NAP1L1: variants seen among roughly 807,000 people sequenced by gnomAD.
NAP1L1 encodes nucleosome assembly protein 1 like 1.
Under a neutral mutation model 58.9 loss-of-function variants are expected in NAP1L1, and 9 were observed. The observed-to-expected ratio is 0.15, with a 90% CI of 0.09 to 0.27. The LOEUF (loss-of-function observed/expected upper bound fraction) is 0.27, where lower values mean the gene tolerates loss of function less well. NAP1L1 is among the 10% of genes least tolerant of loss of function. The pLI, the probability that NAP1L1 is intolerant of heterozygous loss-of-function variation, is 1.00. For synonymous variants in NAP1L1, 130 were observed against 138.3 expected (o/e 0.94, Z 0.42); for missense variants, 302 against 458.8 (o/e 0.66, Z 3.12).
intron 6 of NAP1L1, chr12:76,057,811 G>A: frequency 6.5e-7 from 1 of 1,550,042 alleles, no homozygotes; most frequent in Non-Finnish European, 8.7e-7. Flanking sequence ...GGAAGAAGAG[G>A]AGAAGAAAAA....
rs1267664379 is a variant in NAP1L1, at chr12:76,037,916, T to G, written c.*10513A>C. On this transcript the variant is annotated 3_prime_UTR_variant, in exon 15 of 15. Transcript: ENST00000618691. The stretch of plus-strand genomic sequence containing the variant: ...AAACTGAGGGGAAATGACTAATGTT[T>G]TGTCTGGAAATGTATTGATATTATT... 1 of 152,166 alleles carries G rather than the reference T, an allele frequency of 6.6e-6. No homozygotes were observed. Among genetic ancestry groups the G allele is most frequent in the Non-Finnish European group, 1.5e-5 (1 of 68,036 alleles). The allele number at this position is 152,166 out of a possible 1,614,324, so 9.4% of individuals were successfully genotyped here.
At chr12:76,078,589 C>T (rs552713830) in intron 1 of NAP1L1, among the ~76,000 whole-genome samples, 2 of 152,148 alleles carry the variant, frequency 1.3e-5, no homozygotes, top group Non-Finnish European at 2.9e-5. Flanking sequence ...TGAAAACACA[C>T]TGTCTGCAAG....
At chr12:76,065,939 T>C (rs1360991987) in intron 4 of NAP1L1, among the ~76,000 whole-genome samples, 1 of 149,620 alleles carries the variant, frequency 6.7e-6, no homozygotes, top group East Asian at 2.0e-4. Context: ...CAAAGACCAA[T>C]AAAACATAAG....
chr12:76,064,412 T>C (rs1182399699), intron 4 of NAP1L1, among the ~76,000 whole-genome samples: 4 of 152,104 alleles, frequency 2.6e-5, no homozygotes, highest in Admixed American at 6.5e-5. Context: ...AATTTCAGCA[T>C]ACAGATCTTC....
At chr12:76,070,356 C>A (rs1016117474) in intron 2 of NAP1L1, among the ~76,000 whole-genome samples, 4 of 152,204 alleles carry the variant, frequency 2.6e-5, no homozygotes, top group African/African-American at 9.7e-5. Context: ...GATCCTCCCA[C>A]GTCCGCCTTC....
chr12:76,058,239 A>C, intron 6 of NAP1L1: 1 of 244,936 alleles, frequency 4.1e-6, no homozygotes, highest in East Asian at 6.8e-5. Flanking sequence ...TCTACAGTAA[A>C]ACTGTAGACT....
At chr12:76,051,882 C>G (rs1043072005) in intron 11 of NAP1L1, among the ~76,000 whole-genome samples, 1 of 152,022 alleles carries the variant, frequency 6.6e-6, no homozygotes, top group Non-Finnish European at 1.5e-5. Flanking sequence ...AGTTCAATGG[C>G]ACGTGCCTGT....
chr12:76,069,130 T>G, intron 2 of NAP1L1, 136 bp from the exon 3 acceptor site: 1 of 652,124 alleles, frequency 1.5e-6, no homozygotes, highest in Non-Finnish European at 2.7e-6. Context: ...GGTAATTCCG[T>G]TTTCTAACTT....
rs1948952388 is a variant in NAP1L1 at position 76,053,866 on chromosome 12, G to A, written c.674C>T (p.Thr225Ile). The change falls in exon 9 of 15, where the codon ACA becomes ATA. Residue 225 changes from threonine to isoleucine, a missense_variant. Thr to Ile is a moderately conservative substitution (Grantham distance 89, BLOSUM62 -1). Coordinates refer to ENST00000618691, the MANE Select transcript of NAP1L1 (RefSeq NM_004537.7). ...GTATGTCTTTGTCAGCACTTCATTT[G>A]TAAAATATTCATTGGGTTCAAAGTG... is the stretch of plus-strand genomic sequence containing the variant. The part of the protein sequence containing the change: ...EFHFEPNEYF[T>I]NEVLTKTYRM... The A allele has an allele frequency of 6.3e-7, 1 of 1,590,192 alleles. No individual in the cohort carries two copies. The highest frequency in any genetic ancestry group is 8.5e-7 in the Non-Finnish European group (1 of 1,174,028).
Position 76,074,088 on chromosome 12 carries a change from T to A in NAP1L1, c.17+115A>T, listed in dbSNP as rs1313354786. 4.5e-6 allele frequency: 4 copies of A among 882,182 alleles called. No homozygotes were observed. In the East Asian group the frequency reaches 1.0e-4, roughly 22 times the overall value. The allele number at this position is 882,182 out of a possible 1,614,324, so 54.6% of individuals were successfully genotyped here. A position where few individuals can be genotyped will look rare whatever the true frequency, so the allele number is the denominator to read the frequency against. ...TGCACTAGACTTTTGTAAAAGTAGG[T>A]ACTAAGCATTAGTAACTACATTTTC... On this transcript the variant is annotated intron_variant, in intron 2 of 14. Transcript: ENST00000618691.
At chr12:76,064,502 A>G (rs1456546709) in intron 4 of NAP1L1, among the ~76,000 whole-genome samples, 1 of 152,162 alleles carries the variant, frequency 6.6e-6, no homozygotes, top group African/African-American at 2.4e-5. Context: ...TGAATTAAGC[A>G]TTCAATTTAA....
In NAP1L1 at chr12:76,038,464, A is replaced by G. The variant is rs1357017754; in HGVS notation, c.*9965T>C. 2 of 152,136 alleles carry G rather than the reference A, an allele frequency of 1.3e-5. No individual in the cohort carries two copies. The highest frequency in any genetic ancestry group is 1.3e-4 in the Admixed American group (2 of 15,278). 9.4% of individuals were successfully genotyped at this position (152,136 alleles called of 1,614,324 possible). Reference sequence around the variant, plus strand: ...AATTTGATCACTATTGATCTCTGTAAGAAAAAAAAATCCAGTAATGGGCAA... The same window carrying G: ...AATTTGATCACTATTGATCTCTGTAGGAAAAAAAAATCCAGTAATGGGCAA... On this transcript the variant is annotated 3_prime_UTR_variant, in exon 15 of 15. Coordinates refer to ENST00000618691, the MANE Select transcript of NAP1L1 (RefSeq NM_004537.7).
At position 76,048,144 on chromosome 12, in the gene NAP1L1, C is replaced by G. The variant is rs1948662698; in HGVS notation, c.*285G>C. Reference sequence around the variant, plus strand: ...ATTTCCTTTAACAGTTGTTAATTTTCATAGCTGTACTCCAAGAGCTACATA... The same window carrying G: ...ATTTCCTTTAACAGTTGTTAATTTTGATAGCTGTACTCCAAGAGCTACATA... On this transcript the variant is annotated 3_prime_UTR_variant, in exon 15 of 15. Transcript: ENST00000618691. The G allele has an allele frequency of 2.8e-6, 1 of 358,952 alleles. No individual in the cohort carries two copies. The highest frequency in any genetic ancestry group is 5.0e-6 in the Non-Finnish European group (1 of 200,880). The allele number at this position is 358,952 out of a possible 1,614,324, so 22.2% of individuals were successfully genotyped here.
At chr12:76,058,439 C>T (rs539853031) in intron 6 of NAP1L1, among the ~76,000 whole-genome samples, 31 of 148,178 alleles carry the variant, frequency 2.1e-4, no homozygotes, top group Middle Eastern at 3.6e-3. Context: ...TGGGCTGGAG[C>T]GCAGTGGTGC....
At chr12:76,074,052 C>G in intron 2 of NAP1L1, 151 bp downstream of exon 2, 1 of 646,836 alleles carries the variant, frequency 1.5e-6, no homozygotes. Flanking sequence ...TATATTTTAC[C>G]TTGAATACAC....
chr12:76,048,337 A>C lies in NAP1L1; in HGVS notation c.*92T>G. 1 of 1,469,334 alleles carries C rather than the reference A, an allele frequency of 6.8e-7. No homozygotes were observed. The highest frequency in any genetic ancestry group is 9.3e-7 in the Non-Finnish European group (1 of 1,070,812). The allele number at this position is 1,469,334 out of a possible 1,614,324, so 91.0% of individuals were successfully genotyped here. ...TAAAAAAAAATTACCTAGTCTACCA[A>C]GAAAATACAAAAACATAAGGCTGTA... On this transcript the variant is annotated 3_prime_UTR_variant, in exon 15 of 15. Coordinates refer to ENST00000618691, the MANE Select transcript of NAP1L1 (RefSeq NM_004537.7).
intron 1 of NAP1L1, among the ~76,000 whole-genome samples, chr12:76,082,272 G>C (rs77372082): frequency 0.018 from 2,810 of 152,196 alleles, 104 homozygotes; most frequent in African/African-American, 0.064. Flanking sequence ...TGAGAATTTA[G>C]AATCAACTCA....
At chr12:76,077,511 TA>T (rs1350512680) in intron 1 of NAP1L1, among the ~76,000 whole-genome samples, 1 of 152,312 alleles carries the variant, frequency 6.6e-6, no homozygotes, top group East Asian at 1.9e-4. Context: ...GGTTCTCAGG[TA>T]GACCACATTG....
rs780707608 is a variant in NAP1L1 at position 76,038,865 on chromosome 12, G to C, written c.*9564C>G. ...CACCCCTTAAACATGTCAGAAACCA[G>C]AAAGTTTTTGTTTCTAATGAGATTT... On this transcript the variant is annotated 3_prime_UTR_variant, in exon 15 of 15. Transcript: ENST00000618691. The C allele has an allele frequency of 9.9e-5, 15 of 152,094 alleles. No homozygotes were observed. The highest frequency in any genetic ancestry group is 2.9e-5 in the Non-Finnish European group (2 of 68,024). 9.4% of individuals were successfully genotyped at this position (152,094 alleles called of 1,614,324 possible). A position where few individuals can be genotyped will look rare whatever the true frequency, so the allele number is the denominator to read the frequency against.
Sources: gnomAD v4.1 joint callset for allele counts (sites outside exome capture counted in the v4.1 genomes callset) on GRCh38, gnomAD v4.1.1 for gene constraint, MANE v1.5 for transcripts, NCBI Gene and HGNC (gene_info 2026-07-23, HGNC 2026-07-21) for gene names.